Variants in NUP205 observed in about 807,000 individuals in gnomAD.
The protein encoded by NUP205 is nucleoporin 205, also known as nuclear pore complex protein Nup205.
Under a neutral mutation model 253.8 loss-of-function variants are expected in NUP205, and 76 were observed. The observed-to-expected ratio is 0.30, with a 90% CI of 0.25 to 0.36. The LOEUF (loss-of-function observed/expected upper bound fraction) is 0.36. Ranked by LOEUF, NUP205 falls within the 10% of genes least tolerant of loss-of-function variation. The pLI is 1.00. For missense variants in NUP205, 2,162 were observed against 2,425.5 expected (o/e 0.89, Z 2.28); for synonymous variants, 832 against 850.1 (o/e 0.98, Z 0.37).
At chr7:135,646,837 T>C (rs1377885728) in intron 42 of NUP205, among the ~76,000 whole-genome samples, 1 of 152,232 alleles carries the variant, frequency 6.6e-6, no homozygotes, top group East Asian at 1.9e-4. Flanking sequence ...TGAGGTTTCA[T>C]GTATGTGAGG....
At chr7:135,640,572 A>G (rs1425373499) in intron 38 of NUP205, among the ~76,000 whole-genome samples, 1 of 152,104 alleles carries the variant, frequency 6.6e-6, no homozygotes, top group Non-Finnish European at 1.5e-5. Context: ...GCCTTCTCCT[A>G]CCAGTGTCTG....
Position 135,584,810 on chromosome 7 carries a change from G to A in NUP205, c.1043-22G>A, listed in dbSNP as rs752340377. The A allele has an allele frequency of 3.1e-6, 5 of 1,610,854 alleles. No individual in the cohort carries two copies. In the South Asian group the frequency reaches 4.4e-5, roughly 14 times the overall value. ...GTTAATGACTTTTCCTCCATGTACT[G>A]TGTTTTAAAATCTGTTTCTAGCTCT... On this transcript the variant is annotated intron_variant, in intron 7 of 42. Transcript: ENST00000285968.
Position 135,646,108 on chromosome 7 carries a change from G to T in NUP205, c.5813-50G>T. On this transcript the variant is annotated intron_variant, in intron 41 of 42. Coordinates refer to ENST00000285968, the MANE Select transcript of NUP205 (RefSeq NM_015135.3). ...TTGTCATCAGGTTCCTCCACTGTGTGGTAGATAGGTACTTGCACAGCCGGT... is the reference window on the plus strand; with the variant it reads ...TTGTCATCAGGTTCCTCCACTGTGTTGTAGATAGGTACTTGCACAGCCGGT... The T allele has an allele frequency of 4.3e-6, 5 of 1,158,922 alleles. No individual in the cohort carries two copies. Among genetic ancestry groups the T allele is most frequent in the Non-Finnish European group, 6.5e-6 (5 of 765,118 alleles). 71.8% of individuals were successfully genotyped at this position (1,158,922 alleles called of 1,614,324 possible).
chr7:135,627,826 G>A (rs921509032), intron 33 of NUP205, 147 bp from the exon 34 acceptor site: 8 of 594,844 alleles, frequency 1.3e-5, no homozygotes, highest in African/African-American at 5.5e-5. Context: ...TCTGGACCGC[G>A]GATGTATATA....
Position 135,638,697 on chromosome 7 carries a change from T to G in NUP205, c.5392+14T>G. 1 of 1,614,158 alleles carries G rather than the reference T, an allele frequency of 6.2e-7. No homozygotes were observed. The highest frequency in any genetic ancestry group is 1.3e-5 in the African/African-American group (1 of 75,060). ...GACCGCGGCAAGGTGAGCTTAGTTT[T>G]TCATTCTGTATTGAAGGAACTAAGT... On this transcript the variant is annotated intron_variant, in intron 38 of 42. Transcript: ENST00000285968.
chr7:135,618,570 T>C lies in NUP205; in HGVS notation c.3930T>C (p.Ile1310=), dbSNP rs1794406923. 3 of 1,608,026 alleles carry C rather than the reference T, an allele frequency of 1.9e-6. No individual in the cohort carries two copies. The highest frequency in any genetic ancestry group is 2.5e-6 in the Non-Finnish European group (3 of 1,176,938). ...DLIQAEDRQL[I]IRDILQDVHD... ...TTCAGGCAGAGGATCGACAACTGAT[T>C]ATTCGTGATATTTTACAAGATGTGC... Residue 1310 remains isoleucine (I), a synonymous_variant, in exon 28 of 43, where the codon ATT becomes ATC. Transcript: ENST00000285968.
At chr7:135,598,617 C>T (rs545026893) in intron 15 of NUP205, among the ~76,000 whole-genome samples, 1 of 152,256 alleles carries the variant, frequency 6.6e-6, no homozygotes, top group Non-Finnish European at 1.5e-5. Flanking sequence ...ACTGGTTTAG[C>T]GGGAAGGAGT....
chr7:135,632,037 G>A (rs752251989), intron 35 of NUP205, among the ~76,000 whole-genome samples: 11 of 152,032 alleles, frequency 7.2e-5, no homozygotes, highest in African/African-American at 2.2e-4. Flanking sequence ...GAGCCACCGC[G>A]CCCGGCCTAT....
At chr7:135,599,838 C>T (rs1315165634) in intron 15 of NUP205, among the ~76,000 whole-genome samples, 1 of 152,138 alleles carries the variant, frequency 6.6e-6, no homozygotes, top group Non-Finnish European at 1.5e-5. Flanking sequence ...TATTTTAGGA[C>T]ACTAGCTGCT....
Position 135,593,169 on chromosome 7 carries a change from C to T in NUP205, c.1807C>T (p.Leu603Phe). The change falls in exon 12 of 43, where the codon CTC (leucine) becomes TTC (phenylalanine). Residue 603 changes from leucine to phenylalanine, a missense_variant. Transcript: ENST00000285968. ...EQDGLIAFLQ[L>F]TSTIITWSEN... ...AGATGGATTGATTGCTTTTTTGCAGCTCACGTCTACCATCATTACTTGGGT... is the reference window on the plus strand; with the variant it reads ...AGATGGATTGATTGCTTTTTTGCAGTTCACGTCTACCATCATTACTTGGGT... 1 of 1,614,090 alleles carries T rather than the reference C, an allele frequency of 6.2e-7. No homozygotes were observed. The highest frequency in any genetic ancestry group is 1.1e-5 in the South Asian group (1 of 91,082).
In NUP205 at chr7:135,598,050, C is replaced by G; in HGVS notation, c.2117C>G (p.Ala706Gly). ...SRCEEYPLTR[A>G]FCQLISTLVE... ...TGTGAAGAATACCCATTGACTCGGG[C>G]CTTTTGCCAGCTTATTAGTACTCTG... The change falls in exon 15 of 43, where the codon GCC (alanine) becomes GGC (glycine). Residue 706 changes from alanine (A) to glycine (G), a missense_variant. Around this residue, in one of 5 missense-constraint regions of NUP205, gnomAD observed 892 missense variants for 957.1 expected, o/e 0.93. Coordinates refer to ENST00000285968, the MANE Select transcript of NUP205 (RefSeq NM_015135.3). The G allele has an allele frequency of 6.2e-7, 1 of 1,614,004 alleles. No homozygotes were observed. The highest frequency in any genetic ancestry group is 8.5e-7 in the Non-Finnish European group (1 of 1,179,952).
intron 3 of NUP205, among the ~76,000 whole-genome samples, chr7:135,574,177 T>C (rs949037959): frequency 6.6e-6 from 1 of 152,172 alleles, no homozygotes; most frequent in Non-Finnish European, 1.5e-5. Flanking sequence ...GGCTTCAGTT[T>C]AGTGATCAGA....
intron 30 of NUP205, 49 bp from the exon 31 acceptor site, chr7:135,622,728 A>T: frequency 6.4e-7 from 1 of 1,572,278 alleles, no homozygotes. Context: ...TTACTCAGTT[A>T]TTACACTGCT....
At chr7:135,616,764 G>C in intron 25 of NUP205, 38 bp downstream of exon 25, 1 of 1,212,836 alleles carries the variant, frequency 8.2e-7, no homozygotes, top group African/African-American at 1.6e-5. Flanking sequence ...TTATTTTATA[G>C]ACATATATTA....
chr7:135,593,597 A>T (rs1212643187), intron 12 of NUP205, among the ~76,000 whole-genome samples: 1 of 152,218 alleles, frequency 6.6e-6, no homozygotes, highest in African/African-American at 2.4e-5. Flanking sequence ...AAACCATTTT[A>T]TCTGCCACTA....
At chr7:135,567,952 G>A (rs77751240) in intron 1 of NUP205, among the ~76,000 whole-genome samples, 4,243 of 152,208 alleles carry the variant, frequency 0.028, 98 homozygotes, top group South Asian at 0.077. Context: ...GGGGCCGGGC[G>A]CCGTGGCTCA....
At chr7:135,643,148 A>T (rs1257634138) in intron 38 of NUP205, 44 bp from the exon 39 acceptor site, 18 of 1,549,848 alleles carry the variant, frequency 1.2e-5, no homozygotes, top group Non-Finnish European at 1.6e-5. Flanking sequence ...TTCATATGAA[A>T]TGCTTATAAG....
intron 34 of NUP205, among the ~76,000 whole-genome samples, chr7:135,628,458 C>T (rs1045457948): frequency 6.6e-6 from 1 of 152,092 alleles, no homozygotes; most frequent in South Asian, 2.1e-4. Flanking sequence ...TATGCTAGGC[C>T]TTGCAGGCTG....
At chr7:135,645,326 T>C in intron 40 of NUP205, 142 bp from the exon 41 acceptor site, 1 of 913,022 alleles carries the variant, frequency 1.1e-6, no homozygotes, top group Non-Finnish European at 1.7e-6. Flanking sequence ...TGAGGAGCCT[T>C]CAGTGAGACC....
Sources: gnomAD v4.1 joint callset for allele counts (sites outside exome capture counted in the v4.1 genomes callset) on GRCh38, gnomAD v4.1.1 for gene constraint, gnomAD v4.1.1 regional missense constraint, MANE v1.5 for transcripts, NCBI Gene and HGNC (gene_info 2026-07-23, HGNC 2026-07-21) for gene names.